Variants in ARSK observed in about 807,000 individuals in gnomAD.
ARSK encodes the protein arylsulfatase family member K.
A neutral mutation model predicts 53.2 loss-of-function variants in ARSK; 37 were observed. That is an observed-to-expected ratio of 0.70 (90% CI 0.54 to 0.92). The LOEUF (loss-of-function observed/expected upper bound fraction) is 0.92. Ranked by LOEUF, ARSK falls within the 40% of genes least tolerant of loss-of-function variation. The pLI is 0.00. For missense variants in ARSK, 613 were observed against 643.0 expected, an observed-to-expected ratio of 0.95 and a Z score of 0.51; for synonymous variants, 208 against 223.2, an observed-to-expected ratio of 0.93 and a Z score of 0.61.
At chr5:95,573,308 C>T (rs1044046214) in intron 3 of ARSK, among the ~76,000 whole-genome samples, 30 of 151,886 alleles carry the variant, frequency 2.0e-4, no homozygotes, top group African/African-American at 6.0e-4. Context: ...TGATTTTATA[C>T]GGAAAATTTT....
At chr5:95,591,264 T>G in intron 5 of ARSK, 137 bp from the exon 6 acceptor site, 5 of 739,716 alleles carry the variant, frequency 6.8e-6, no homozygotes, top group South Asian at 1.8e-5. Flanking sequence ...AGACTTAACT[T>G]GAGAACAGTA....
At chr5:95,562,118 G>A (rs1407148807) in intron 1 of ARSK, among the ~76,000 whole-genome samples, 1 of 152,138 alleles carries the variant, frequency 6.6e-6, no homozygotes. Context: ...GGCTGAGTCA[G>A]GAGAATCGCT....
intron 5 of ARSK, among the ~76,000 whole-genome samples, chr5:95,587,814 G>A (rs1258718784): frequency 6.6e-6 from 1 of 151,234 alleles, no homozygotes; most frequent in Non-Finnish European, 1.5e-5. Context: ...ACTGAGGCAA[G>A]AGAATCACTT....
At chr5:95,601,188 T>C in intron 7 of ARSK, 117 bp downstream of exon 7, 1 of 1,001,208 alleles carries the variant, frequency 1.0e-6, no homozygotes, top group Non-Finnish European at 1.5e-6. Context: ...CTGCTTCTCA[T>C]GCTAGGACGA....
intron 5 of ARSK, 42 bp downstream of exon 5, chr5:95,586,775 A>G (rs1197855191): frequency 4.7e-6 from 7 of 1,494,302 alleles, no homozygotes; most frequent in Non-Finnish European, 5.4e-6. Flanking sequence ...AAGAAAAATT[A>G]TAATATTTTT....
chr5:95,577,564 C>G (rs899537256), intron 3 of ARSK, among the ~76,000 whole-genome samples: 1 of 152,080 alleles, frequency 6.6e-6, no homozygotes. Context: ...AAAAGGCTGC[C>G]TTTGTTTAAG....
rs528702850 is a variant in ARSK at position 95,569,704 on chromosome 5, G to C, written c.416+1655G>C. Among the ~76,000 whole-genome samples the C allele has an allele frequency of 1.3e-5, 2 of 152,302 alleles. 1 individual carries two copies. Among genetic ancestry groups the C allele is most frequent in the Admixed American group, 1.3e-4 (2 of 15,302 alleles). ...CAGAACTGTGGGAGAACAGGTTCCT[G>C]TTGTTTTAAGCCACACAGTTTGCAA... On this transcript the variant is annotated intron_variant, in intron 3 of 7. Transcript: ENST00000380009.
At position 95,580,828 on chromosome 5, in the gene ARSK, C is replaced by T. The variant is rs574051486; in HGVS notation, c.417-2088C>T. 2.4e-5 allele frequency: 22 copies of T among 917,674 alleles called. No individual in the cohort carries two copies. The South Asian group carries it at 3.2e-4, about 13-fold the overall frequency. The allele number at this position is 917,674 out of a possible 1,614,324, so 56.8% of individuals were successfully genotyped here. A position where few individuals can be genotyped will look rare whatever the true frequency, so the allele number is the denominator to read the frequency against. Reference sequence around the variant, plus strand: ...TAGTATATTCATCTACTGAATACATCACTTTATACTCATGTTCTTCCTCAC... The same window carrying T: ...TAGTATATTCATCTACTGAATACATTACTTTATACTCATGTTCTTCCTCAC... On this transcript the variant is annotated intron_variant, in intron 3 of 7. Coordinates refer to ENST00000380009, the MANE Select transcript of ARSK (RefSeq NM_198150.3).
rs757994588 is a variant in ARSK at position 95,566,146 on chromosome 5, T to A, written c.256+19T>A. The A allele has an allele frequency of 1.2e-6, 2 of 1,609,506 alleles. No individual in the cohort carries two copies. The highest frequency in any genetic ancestry group is 2.7e-5 in the African/African-American group (2 of 74,708). On this transcript the variant is annotated intron_variant, in intron 2 of 7. Transcript: ENST00000380009. ...CGCGCAGGTATGAACATCCTTAATA[T>A]GAATGGGAGAAAGTGGCTACACACT...
intron 3 of ARSK, among the ~76,000 whole-genome samples, chr5:95,569,223 C>A (rs573118373): frequency 2.6e-5 from 4 of 152,058 alleles, no homozygotes; most frequent in Admixed American, 1.3e-4. Context: ...CTTACCTAGG[C>A]AAGTGCTAAT....
Position 95,555,536 on chromosome 5 carries a change from G to A in ARSK, c.126+132G>A, listed in dbSNP as rs1245001325. On this transcript the variant is annotated intron_variant, in intron 1 of 7. Coordinates refer to ENST00000380009, the MANE Select transcript of ARSK (RefSeq NM_198150.3). The surrounding 1 kb of genome is among the most constrained non-coding windows in gnomAD (Gnocchi z 4.0). ...CACCTTTTACCCCGATGCAAAGAAA[G>A]AAATACATTTTATGTGAGGCCCCGT... 2 of 1,010,456 alleles carry A rather than the reference G, an allele frequency of 2.0e-6. No individual in the cohort carries two copies. The highest frequency in any genetic ancestry group is 1.4e-6 in the Non-Finnish European group (1 of 732,024). 62.6% of individuals were successfully genotyped at this position (1,010,456 alleles called of 1,614,324 possible).
chr5:95,594,637 C>T (rs995376655), intron 6 of ARSK, among the ~76,000 whole-genome samples: 6 of 152,176 alleles, frequency 3.9e-5, no homozygotes, highest in Admixed American at 2.0e-4. Context: ...GTCAGGAGAT[C>T]GAGACTGTCC....
At position 95,599,336 on chromosome 5, in the gene ARSK, C is replaced by T. The variant is rs527648232; in HGVS notation, c.1097-1511C>T. On this transcript the variant is annotated intron_variant, in intron 6 of 7. Coordinates refer to ENST00000380009, the MANE Select transcript of ARSK (RefSeq NM_198150.3). ...GTTATTAAAATGCTGAGTACAAGAA[C>T]TTGCCATAGTCATGAGTATGTGCCA... Among the ~76,000 whole-genome samples, 5 of 152,292 alleles carry T rather than the reference C, an allele frequency of 3.3e-5. No individual in the cohort carries two copies. In the South Asian group the frequency reaches 8.3e-4, roughly 25 times the overall value.
At chr5:95,584,958 C>T (rs1056090996) in intron 4 of ARSK, among the ~76,000 whole-genome samples, 7 of 151,984 alleles carry the variant, frequency 4.6e-5, no homozygotes, top group Admixed American at 6.6e-5. Context: ...TACAGTGAAC[C>T]GAGATTGCGT....
At chr5:95,573,737 G>A (rs1189541336) in intron 3 of ARSK, among the ~76,000 whole-genome samples, 3 of 152,116 alleles carry the variant, frequency 2.0e-5, no homozygotes, top group Non-Finnish European at 1.5e-5. Flanking sequence ...ATTTTTAATT[G>A]TTGTATGTAC....
chr5:95,577,656 C>T (rs1208819232), intron 3 of ARSK, among the ~76,000 whole-genome samples: 1 of 152,100 alleles, frequency 6.6e-6, no homozygotes, highest in Non-Finnish European at 1.5e-5. Context: ...AGTGCTTCCA[C>T]AATGATGAAT....
intron 1 of ARSK, chr5:95,556,397 C>G: frequency 1.7e-6 from 1 of 594,128 alleles, no homozygotes; most frequent in Non-Finnish European, 3.0e-6. Flanking sequence ...AGAGGAGAAG[C>G]TGAATTTTGT....
At chr5:95,587,905 CA>C (rs753471404) in intron 5 of ARSK, among the ~76,000 whole-genome samples, 20,302 of 82,232 alleles carry the variant, frequency 0.25, 1,668 homozygotes, top group African/African-American at 0.39. Flanking sequence ...GACTACGTCT[CA>C]AAAAAAAAAA....
chr5:95,558,260 C>T (rs1229097995), intron 1 of ARSK, among the ~76,000 whole-genome samples: 4 of 152,158 alleles, frequency 2.6e-5, no homozygotes, highest in Non-Finnish European at 4.4e-5. Context: ...GCCCTAATTG[C>T]CCTGGCCCTA....
Sources: gnomAD v4.1 joint callset for allele counts (sites outside exome capture counted in the v4.1 genomes callset) on GRCh38, gnomAD v4.1.1 for gene constraint, Gnocchi (gnomAD v3.1) non-coding constraint, MANE v1.5 for transcripts, NCBI Gene and HGNC (gene_info 2026-07-23, HGNC 2026-07-21) for gene names.